DNAH6: variants seen among roughly 807,000 people sequenced by gnomAD.
DNAH6 encodes the protein dynein axonemal heavy chain 6, also known as axonemal beta dynein heavy chain 6.
Under a neutral mutation model 491.4 loss-of-function variants are expected in DNAH6, and 340 were observed. The ratio of observed to expected loss-of-function variants is 0.69; its 90% CI spans 0.63 to 0.76. DNAH6 has a LOEUF of 0.76. Ranked by LOEUF, DNAH6 falls within the 30% of genes least tolerant of loss-of-function variation. The pLI, the probability that DNAH6 is intolerant of heterozygous loss-of-function variation, is 0.00. For synonymous variants in DNAH6, 1,603 were observed against 1,686.1 expected (o/e 0.95, Z 1.21); for missense variants, 4,443 against 4,972.2 (o/e 0.89, Z 3.20).
At chr2:84,636,368 T>C (rs1688878731) in intron 30 of DNAH6, among the ~76,000 whole-genome samples, 1 of 152,218 alleles carries the variant, frequency 6.6e-6, no homozygotes, top group South Asian at 2.1e-4. Flanking sequence ...AACATCCTTC[T>C]TCCTTCTTCA....
chr2:84,509,903 C>A, the DNAH6 span, among the ~76,000 whole-genome samples: 1 of 152,148 alleles, frequency 6.6e-6, no homozygotes, highest in Non-Finnish European at 1.5e-5. Flanking sequence ...AATATTGGCC[C>A]CCACTCTCTT....
In DNAH6 at chr2:84,763,714, ATGTGTGTGTGTGTGTG is replaced by A. The variant is rs70953906; in HGVS notation, c.10703+807_10703+822del. Among the ~76,000 whole-genome samples, 501 of 126,886 alleles carry A rather than the reference ATGTGTGTGTGTGTGTG, an allele frequency of 3.9e-3. 2 individuals are homozygous for A. Among genetic ancestry groups the A allele is most frequent in the African/African-American group, 0.011 (372 of 34,732 alleles). The allele number at this position is 126,886 out of a possible 152,430, so 83.2% of individuals were successfully genotyped here. ...TCTCCAGAGAAATAGAACTGATAGG[ATGTGTGTGTGTGTGTG>A]TGTGTGTGTGTGTGTGTGTGTGTGT... is the stretch of plus-strand genomic sequence containing the variant. On this transcript the variant is annotated intron_variant, in intron 64 of 76. Transcript: ENST00000389394.
At chr2:84,769,239 G>C (rs910066159) in intron 64 of DNAH6, among the ~76,000 whole-genome samples, 1 of 152,212 alleles carries the variant, frequency 6.6e-6, no homozygotes, top group Non-Finnish European at 1.5e-5. Context: ...GATAAAGACA[G>C]AGCAGCCAGA....
the DNAH6 span, among the ~76,000 whole-genome samples, chr2:84,464,950 C>T: frequency 2.4e-4 from 37 of 152,130 alleles, no homozygotes; most frequent in African/African-American, 8.0e-4. Flanking sequence ...CTGGTTCACA[C>T]GCCTCTGACA....
the DNAH6 span, among the ~76,000 whole-genome samples, chr2:84,478,486 A>G: frequency 1.3e-5 from 2 of 152,070 alleles, no homozygotes; most frequent in Non-Finnish European, 2.9e-5. Flanking sequence ...TCCACTCAGC[A>G]CCTCTGAAGG....
At chr2:84,461,242 G>A in the DNAH6 span, among the ~76,000 whole-genome samples, 1 of 152,182 alleles carries the variant, frequency 6.6e-6, no homozygotes, top group African/African-American at 2.4e-5. Context: ...TAGCTTAGAA[G>A]GTATATAAGC....
intron 35 of DNAH6, among the ~76,000 whole-genome samples, chr2:84,655,174 A>T (rs1690829500): frequency 6.6e-6 from 1 of 152,020 alleles, no homozygotes; most frequent in Admixed American, 6.6e-5. Context: ...TTAAGTCCAG[A>T]CCCTAACTGT....
chr2:84,807,317 A>T (rs1679512260), intron 71 of DNAH6, among the ~76,000 whole-genome samples: 1 of 152,150 alleles, frequency 6.6e-6, no homozygotes, highest in Non-Finnish European at 1.5e-5. Context: ...TGTCATAGCC[A>T]TTTGTTTACA....
At chr2:84,532,833 C>T (rs1199686389) in intron 4 of DNAH6, among the ~76,000 whole-genome samples, 1 of 152,084 alleles carries the variant, frequency 6.6e-6, no homozygotes, top group African/African-American at 2.4e-5. Context: ...GCACCTATGG[C>T]AAGGTATGCT....
In DNAH6 at chr2:84,659,179, A is replaced by G. The variant is rs1178840012; in HGVS notation, c.6084+10A>G. On this transcript the variant is annotated intron_variant, in intron 37 of 76. Coordinates refer to ENST00000389394, the MANE Select transcript of DNAH6 (RefSeq NM_001370.2). Reference sequence around the variant, plus strand: ...TAATCCTGATGCCAGGGTAAGAACCAAATAAATTATATTTTAACATAATAA... The same window carrying G: ...TAATCCTGATGCCAGGGTAAGAACCGAATAAATTATATTTTAACATAATAA... 2.8e-5 allele frequency: 37 copies of G among 1,331,416 alleles called. No homozygotes were observed. The highest frequency in any genetic ancestry group is 3.6e-5 in the Non-Finnish European group (36 of 992,788). The allele number at this position is 1,331,416 out of a possible 1,614,324, so 82.5% of individuals were successfully genotyped here. A position where few individuals can be genotyped will look rare whatever the true frequency, so the allele number is the denominator to read the frequency against.
At chr2:84,692,988 T>G (rs527350345) in intron 45 of DNAH6, among the ~76,000 whole-genome samples, 2 of 152,352 alleles carry the variant, frequency 1.3e-5, no homozygotes, top group East Asian at 3.9e-4. Context: ...AACTTCTGCA[T>G]GTAAATTACT....
chr2:84,533,150 G>A (rs1275042722), intron 4 of DNAH6, among the ~76,000 whole-genome samples: 1 of 152,100 alleles, frequency 6.6e-6, no homozygotes, highest in Non-Finnish European at 1.5e-5. Context: ...AGCAAGAAAG[G>A]CTTTGCCCTG....
intron 70 of DNAH6, among the ~76,000 whole-genome samples, chr2:84,802,283 A>G (rs1678996357): frequency 6.6e-6 from 1 of 152,232 alleles, no homozygotes; most frequent in South Asian, 2.1e-4. Context: ...ATTAAAAAAC[A>G]AGACCCATCG....
chr2:84,772,629 C>A (rs927327226), intron 64 of DNAH6, among the ~76,000 whole-genome samples: 3 of 152,018 alleles, frequency 2.0e-5, no homozygotes, highest in Admixed American at 6.6e-5. Context: ...ACCTAACAAC[C>A]AAGTCCCAAA....
At chr2:84,652,129 A>G (rs1690509756) in intron 33 of DNAH6, among the ~76,000 whole-genome samples, 2 of 152,068 alleles carry the variant, frequency 1.3e-5, no homozygotes, top group South Asian at 4.1e-4. Flanking sequence ...CACACGTATG[A>G]TATTTCTACA....
the DNAH6 span, among the ~76,000 whole-genome samples, chr2:84,478,554 A>G: frequency 6.6e-6 from 1 of 152,208 alleles, no homozygotes; most frequent in Admixed American, 6.5e-5. Context: ...CCTCTCCTCC[A>G]GAAGAAATGG....
At chr2:84,729,200 A>G (rs1462530823) in intron 61 of DNAH6, among the ~76,000 whole-genome samples, 1 of 152,206 alleles carries the variant, frequency 6.6e-6, no homozygotes, top group African/African-American at 2.4e-5. Flanking sequence ...TGTGTTTTAT[A>G]TATATCAACT....
intron 5 of DNAH6, among the ~76,000 whole-genome samples, chr2:84,545,970 G>A (rs1442269789): frequency 2.0e-5 from 3 of 151,984 alleles, no homozygotes; most frequent in Non-Finnish European, 4.4e-5. Flanking sequence ...ATTATTTTTA[G>A]TATATTCACA....
In DNAH6 at chr2:84,785,682, T is replaced by C; in HGVS notation, c.11026T>C (p.Phe3676Leu). 6.5e-7 allele frequency: 1 copy of C among 1,548,654 alleles called. No homozygotes were observed. Among genetic ancestry groups the C allele is most frequent in the Non-Finnish European group, 8.7e-7 (1 of 1,146,066 alleles). Residue 3676 changes from phenylalanine (F) to leucine (L), a missense_variant, in exon 67 of 77, where the codon TTT (phenylalanine) becomes CTT (leucine). Physicochemically the swap from Phe to Leu is conservative, Grantham distance 22. Transcript: ENST00000389394. Reference sequence around the variant, plus strand: ...ATTTACTGAAATGACACCTTCGTTTTTTGAAGAAAATATACTTGGAAAAAA... The same window carrying C: ...ATTTACTGAAATGACACCTTCGTTTCTTGAAGAAAATATACTTGGAAAAAA... ...RAFTEMTPSFFEENILGKKWR... is the reference protein window; with the variant it reads ...RAFTEMTPSFLEENILGKKWR...
Sources: allele counts gnomAD v4.1 joint callset (sites outside exome capture counted in the v4.1 genomes callset), GRCh38; gene constraint gnomAD v4.1.1; transcripts MANE v1.5; gene names NCBI Gene and HGNC (gene_info 2026-07-23, HGNC 2026-07-21).